The following YBX3 variants were observed in gnomAD, a reference collection of about 807,000 sequenced individuals.
The protein encoded by YBX3 is Y-box-binding protein 3.
YBX3 carries 29 observed loss-of-function variants against 42.4 expected under a neutral mutation model. The ratio of observed to expected loss-of-function variants is 0.68; its 90% CI spans 0.51 to 0.93. YBX3 has a LOEUF of 0.93. YBX3 is among the 40% of genes least tolerant of loss of function. The probability of loss-of-function intolerance (pLI) is 0.00; values close to 1 mark genes in which losing one functional copy is unlikely to be tolerated. For synonymous variants in YBX3, 195 were observed against 189.8 expected (o/e 1.03, Z -0.22); for missense variants, 517 against 527.5 (o/e 0.98, Z 0.19).
At position 10,699,159 on chromosome 12, in the gene YBX3, A is replaced by G. The variant is rs1337599563; in HGVS notation, c.*530T>C. The G allele has an allele frequency of 6.6e-6, 1 of 152,610 alleles. No homozygotes were observed. Among genetic ancestry groups the G allele is most frequent in the Admixed American group, 6.5e-5 (1 of 15,282 alleles). 9.5% of individuals were successfully genotyped at this position (152,610 alleles called of 1,614,324 possible). A position where few individuals can be genotyped will look rare whatever the true frequency, so the allele number is the denominator to read the frequency against. The stretch of plus-strand genomic sequence containing the variant: ...ACATTTTCAAAGAGAGTCACATAAG[A>G]AAGCAAAAATGTTATCCTCCCCTCA... On this transcript the variant is annotated 3_prime_UTR_variant, in exon 10 of 10. Coordinates refer to ENST00000228251, the MANE Select transcript of YBX3 (RefSeq NM_003651.5).
intron 9 of YBX3, among the ~76,000 whole-genome samples, chr12:10,700,311 T>A (rs1468767043): frequency 6.6e-6 from 1 of 152,170 alleles, no homozygotes; most frequent in Admixed American, 6.5e-5. Flanking sequence ...GAACTTATAA[T>A]AATCCCAAAA....
chr12:10,718,252 C>A, intron 2 of YBX3, 131 bp from the exon 3 acceptor site: 2 of 717,572 alleles, frequency 2.8e-6, no homozygotes, highest in South Asian at 2.3e-5. Flanking sequence ...TTTCTACACT[C>A]AATTCAGACA....
At chr12:10,703,838 T>C (rs1253541875) in intron 7 of YBX3, 1 of 507,098 alleles carries the variant, frequency 2.0e-6, no homozygotes, top group Admixed American at 3.5e-5. Context: ...AATTCCAGAA[T>C]ACAAAATGAC....
chr12:10,718,391 G>C (rs1948287365), intron 2 of YBX3: 2 of 371,116 alleles, frequency 5.4e-6, no homozygotes, highest in African/African-American at 4.1e-5. Flanking sequence ...GTCTCTTTCT[G>C]AATCACATGG....
At chr12:10,719,976 C>T (rs531693136) in intron 1 of YBX3, among the ~76,000 whole-genome samples, 1 of 152,228 alleles carries the variant, frequency 6.6e-6, no homozygotes, top group African/African-American at 2.4e-5. Context: ...ATATTTATCT[C>T]AACTATTTCA....
chr12:10,700,645 C>T (rs1202897961), intron 9 of YBX3, among the ~76,000 whole-genome samples: 3 of 152,118 alleles, frequency 2.0e-5, no homozygotes, highest in African/African-American at 4.8e-5. Context: ...CCTGTTATTT[C>T]ACTTAATAAT....
chr12:10,701,162 G>A, intron 9 of YBX3, 92 bp downstream of exon 9: 1 of 686,456 alleles, frequency 1.5e-6, no homozygotes, highest in Non-Finnish European at 2.7e-6. Context: ...ATGAACTGCA[G>A]AACTAGTTTA....
rs1440983087 is a variant in YBX3, at chr12:10,704,221, C to T, written c.781-73G>A. 3.1e-6 allele frequency: 4 copies of T among 1,302,572 alleles called. No individual in the cohort carries two copies. In the East Asian group the frequency reaches 7.2e-5, roughly 23 times the overall value. The allele number at this position is 1,302,572 out of a possible 1,614,324, so 80.7% of individuals were successfully genotyped here. A position where few individuals can be genotyped will look rare whatever the true frequency, so the allele number is the denominator to read the frequency against. Reference sequence around the variant, plus strand: ...AAGATACAGTGCATACAGCTATGTTCAGAATTTTTTTTAGAAGTAAAAAAC... The same window carrying T: ...AAGATACAGTGCATACAGCTATGTTTAGAATTTTTTTTAGAAGTAAAAAAC... On this transcript the variant is annotated intron_variant, in intron 6 of 9. Transcript: ENST00000228251.
chr12:10,712,653 GAAC>G (rs952208709), intron 5 of YBX3: 5 of 152,112 alleles, frequency 3.3e-5, no homozygotes, highest in African/African-American at 1.2e-4. Flanking sequence ...ACCAAAGAAT[GAAC>G]AACAAGGTTA....
chr12:10,699,827 C>G, intron 9 of YBX3, among the ~76,000 whole-genome samples, 173 bp from the exon 10 acceptor site: 1 of 152,058 alleles, frequency 6.6e-6, no homozygotes, highest in East Asian at 1.9e-4. Context: ...TAAATGGAAA[C>G]TCTCACTTTT....
At position 10,699,459 on chromosome 12, in the gene YBX3, CA is replaced by C. The variant is rs1948055645; in HGVS notation, c.*229del. The C allele has an allele frequency of 1.3e-5, 2 of 152,568 alleles. No individual in the cohort carries two copies. The highest frequency in any genetic ancestry group is 4.8e-5 in the African/African-American group (2 of 41,452). 9.5% of individuals were successfully genotyped at this position (152,568 alleles called of 1,614,324 possible). On this transcript the variant is annotated 3_prime_UTR_variant, in exon 10 of 10. Coordinates refer to ENST00000228251, the MANE Select transcript of YBX3 (RefSeq NM_003651.5). Reference sequence around the variant, plus strand: ...CTCTTGTCTTCCGTGCAGGAATTCCCAGGTTCTCAGCTTGCTGGAAAAATTT... The same window carrying C: ...CTCTTGTCTTCCGTGCAGGAATTCCCGGTTCTCAGCTTGCTGGAAAAATTT...
chr12:10,717,886 T>C (rs1000873700), intron 3 of YBX3: 9 of 418,698 alleles, frequency 2.1e-5, no homozygotes, highest in East Asian at 1.8e-4. Flanking sequence ...AATAAAACTA[T>C]TTGAAAACAG....
intron 6 of YBX3, among the ~76,000 whole-genome samples, chr12:10,709,162 G>A (rs942661559): frequency 8.6e-5 from 13 of 152,028 alleles, no homozygotes; most frequent in Admixed American, 2.6e-4. Flanking sequence ...AACATCTAGC[G>A]GTGAGGGGAA....
chr12:10,717,985 G>A, intron 3 of YBX3, 103 bp downstream of exon 3: 1 of 965,410 alleles, frequency 1.0e-6, no homozygotes, highest in Non-Finnish European at 1.5e-6. Context: ...AAAGAGTTTA[G>A]ATTAAAATAA....
chr12:10,719,513 A>G (rs1454014653), intron 1 of YBX3, among the ~76,000 whole-genome samples: 1 of 152,220 alleles, frequency 6.6e-6, no homozygotes, highest in Non-Finnish European at 1.5e-5. Context: ...TAGGAGCTAC[A>G]ATAAAAGAGT....
rs772591666 is a variant in YBX3 at position 10,702,025 on chromosome 12, G to A, written c.988C>T (p.Arg330Trp). 109 of 1,614,100 alleles carry A rather than the reference G, an allele frequency of 6.8e-5. No individual in the cohort carries two copies. Among genetic ancestry groups the A allele is most frequent in the South Asian group, 3.1e-4 (28 of 91,070 alleles). ...CGACGCCGGTAATTGTAGGGACGCC[G>A]GTATCCACGGCGAACAGACGGCTGG... The part of the protein sequence containing the change: ...PNQPSVRRGY[R>W]RPYNYRRRPR... Residue 330 changes from arginine (R) to tryptophan (W), a missense_variant, in exon 8 of 10, where the codon CGG (arginine) becomes TGG (tryptophan). This residue lies in a region of YBX3 where 420 missense variants were observed against 408.5 expected (regional missense o/e 1.03). Transcript: ENST00000228251.
intron 5 of YBX3, chr12:10,712,243 G>C (rs1024587463): frequency 2.0e-5 from 3 of 152,080 alleles, no homozygotes; most frequent in Non-Finnish European, 4.4e-5. Context: ...ACAAACATTC[G>C]GAGTTTTCTT....
At chr12:10,712,338 G>C (rs1948209547) in intron 5 of YBX3, 1 of 152,002 alleles carries the variant, frequency 6.6e-6, no homozygotes. Flanking sequence ...AAATATACTG[G>C]GTCCGTTTTG....
chr12:10,704,156 GGCAAT>G lies in YBX3; in HGVS notation c.781-13_781-9del. 1 of 1,612,470 alleles carries G rather than the reference GGCAAT, an allele frequency of 6.2e-7. No homozygotes were observed. The highest frequency in any genetic ancestry group is 1.1e-5 in the South Asian group (1 of 91,008). On this transcript the variant is annotated splice_polypyrimidine_tract_variant and intron_variant, in intron 6 of 9. Coordinates refer to ENST00000228251, the MANE Select transcript of YBX3 (RefSeq NM_003651.5). ...CTCTCCAATCTCACCAGCCTGGAGA[GGCAAT>G]GAGAGCTGACAGTGAGTGTCACAGC...
Sources: allele counts gnomAD v4.1 joint callset (sites outside exome capture counted in the v4.1 genomes callset), GRCh38; gene constraint gnomAD v4.1.1; regional missense constraint gnomAD v4.1.1; transcripts MANE v1.5; gene names NCBI Gene and HGNC (gene_info 2026-07-23, HGNC 2026-07-21).